Variants in HIPK2 observed in about 807,000 individuals in gnomAD.
The protein encoded by HIPK2 is homeodomain interacting protein kinase 2.
Under a neutral mutation model 113.7 loss-of-function variants are expected in HIPK2, and 27 were observed. That is an observed-to-expected ratio of 0.24 (90% confidence interval 0.17 to 0.33). The LOEUF (loss-of-function observed/expected upper bound fraction) is 0.33, where lower values mean the gene tolerates loss of function less well. HIPK2 is among the 10% of genes least tolerant of loss of function. The pLI, the probability that HIPK2 is intolerant of heterozygous loss-of-function variation, is 1.00. For synonymous variants in HIPK2, 631 were observed against 642.2 expected (o/e 0.98, Z 0.26); for missense variants, 1,257 against 1,588.0 (o/e 0.79, Z 3.54).
intron 2 of HIPK2, among the ~76,000 whole-genome samples, chr7:139,677,152 C>T (rs1221107809): frequency 2.6e-5 from 4 of 152,052 alleles, no homozygotes; most frequent in Admixed American, 6.5e-5. Context: ...TGAGCCACCA[C>T]GCCCGGCCAA....
chr7:139,681,509 G>A (rs756044289), intron 2 of HIPK2, among the ~76,000 whole-genome samples: 3 of 152,058 alleles, frequency 2.0e-5, no homozygotes, highest in Non-Finnish European at 4.4e-5. Context: ...TATAATCAGC[G>A]CCAGTGCTGC....
At chr7:139,640,706 G>A (rs568242430) in intron 2 of HIPK2, among the ~76,000 whole-genome samples, 44 of 152,010 alleles carry the variant, frequency 2.9e-4, no homozygotes, top group African/African-American at 9.6e-4. Context: ...CTGGAGTGCA[G>A]TGGCACAATC....
intron 1 of HIPK2, among the ~76,000 whole-genome samples, chr7:139,723,171 C>G (rs959312588): frequency 6.6e-6 from 1 of 150,460 alleles, no homozygotes; most frequent in African/African-American, 2.5e-5. Flanking sequence ...TTAACTCACA[C>G]AGTTACGGTT....
intron 1 of HIPK2, among the ~76,000 whole-genome samples, chr7:139,761,257 A>G (rs143466896): frequency 5.3e-4 from 80 of 152,356 alleles, no homozygotes; most frequent in African/African-American, 1.7e-3. Flanking sequence ...AAACCCAAGG[A>G]AGGTATGGTT....
rs2116359622 is a variant in HIPK2, at chr7:139,561,942, G to GA, written c.*10984dup. ...ATTTAGAAGCACACGACGTCATGATGAAAAACACAAGCATTTTAGTAGCAA... is the reference window on the plus strand; with the variant it reads ...ATTTAGAAGCACACGACGTCATGATGAAAAAACACAAGCATTTTAGTAGCAA... On this transcript the variant is annotated 3_prime_UTR_variant, in exon 15 of 15. Transcript: ENST00000406875. 6.6e-6 allele frequency: 1 copy of GA among 152,272 alleles called. No individual in the cohort carries two copies. Among genetic ancestry groups the GA allele is most frequent in the South Asian group, 2.1e-4 (1 of 4,820 alleles). 9.4% of individuals were successfully genotyped at this position (152,272 alleles called of 1,614,324 possible). A position where few individuals can be genotyped will look rare whatever the true frequency, so the allele number is the denominator to read the frequency against.
In HIPK2 at chr7:139,566,626, A is replaced by G. The variant is rs1798098343; in HGVS notation, c.*6301T>C. 6.6e-6 allele frequency: 1 copy of G among 152,230 alleles called. No homozygotes were observed. Among genetic ancestry groups the G allele is most frequent in the East Asian group, 1.9e-4 (1 of 5,202 alleles). The allele number at this position is 152,230 out of a possible 1,614,324, so 9.4% of individuals were successfully genotyped here. On this transcript the variant is annotated 3_prime_UTR_variant, in exon 15 of 15. Transcript: ENST00000406875. The surrounding 1 kb of genome is among the most constrained non-coding windows in gnomAD (Gnocchi z 4.1). ...TTCAACACCTGCCACTTCTCAGAGCATCCGGTCAGCTCCCTTATCTATAAA... is the reference window on the plus strand; with the variant it reads ...TTCAACACCTGCCACTTCTCAGAGCGTCCGGTCAGCTCCCTTATCTATAAA...
chr7:139,649,549 ATGTG>A (rs35481634), intron 2 of HIPK2, among the ~76,000 whole-genome samples: 3 of 151,158 alleles, frequency 2.0e-5, no homozygotes, highest in Admixed American at 6.6e-5. Flanking sequence ...GCCTGAGGGT[ATGTG>A]TGTGTGTGTG....
intron 9 of HIPK2, among the ~76,000 whole-genome samples, chr7:139,610,266 G>A (rs761494361): frequency 1.3e-5 from 2 of 152,194 alleles, no homozygotes; most frequent in East Asian, 1.9e-4. Flanking sequence ...AGGGTTAAGT[G>A]TGCAAACATA....
At position 139,671,981 on chromosome 7, in the gene HIPK2, T is replaced by G. The variant is rs1191048116; in HGVS notation, c.1104-40256A>C. Among the ~76,000 whole-genome samples, 3 of 152,370 alleles carry G rather than the reference T, an allele frequency of 2.0e-5. No homozygotes were observed. In the East Asian group the frequency reaches 5.8e-4, roughly 29 times the overall value. On this transcript the variant is annotated intron_variant, in intron 2 of 14. Coordinates refer to ENST00000406875, the MANE Select transcript of HIPK2 (RefSeq NM_022740.5). ...ATTCCTCCCATTTGTTTGCTACTTA[T>G]ACCTCTGGTTTAAAAAGATACATCT...
At chr7:139,701,532 G>A (rs1220555746) in intron 2 of HIPK2, among the ~76,000 whole-genome samples, 2 of 152,168 alleles carry the variant, frequency 1.3e-5, no homozygotes, top group African/African-American at 4.8e-5. Flanking sequence ...TAGCTGGCGG[G>A]ACGCTGAGAC....
At chr7:139,619,307 T>C (rs1209894473) in intron 7 of HIPK2, among the ~76,000 whole-genome samples, 1 of 152,220 alleles carries the variant, frequency 6.6e-6, no homozygotes, top group African/African-American at 2.4e-5. Context: ...AGTCTTTTCA[T>C]TCCAGATTGA....
At chr7:139,776,807 G>A (rs775295302) in intron 1 of HIPK2, among the ~76,000 whole-genome samples, 1 of 152,220 alleles carries the variant, frequency 6.6e-6, no homozygotes, top group Non-Finnish European at 1.5e-5. Context: ...GAAGCTGACA[G>A]AACGGACTGA....
At chr7:139,691,920 G>A (rs1297965738) in intron 2 of HIPK2, among the ~76,000 whole-genome samples, 1 of 152,092 alleles carries the variant, frequency 6.6e-6, no homozygotes, top group Non-Finnish European at 1.5e-5. Context: ...AGAGTTTTTG[G>A]GGAATAGAAA....
At chr7:139,649,899 G>A (rs563367236) in intron 2 of HIPK2, among the ~76,000 whole-genome samples, 1 of 152,280 alleles carries the variant, frequency 6.6e-6, no homozygotes, top group African/African-American at 2.4e-5. Context: ...GGGGTAAGCA[G>A]CAAGCGAAAG....
chr7:139,664,153 C>T (rs959581499), intron 2 of HIPK2, among the ~76,000 whole-genome samples: 1 of 152,082 alleles, frequency 6.6e-6, no homozygotes, highest in Non-Finnish European at 1.5e-5. Context: ...AACCAACCAA[C>T]CAACCAACCA....
At chr7:139,589,849 C>A (rs1488324242) in intron 12 of HIPK2, among the ~76,000 whole-genome samples, 1 of 152,204 alleles carries the variant, frequency 6.6e-6, no homozygotes, top group African/African-American at 2.4e-5. Context: ...GCTGGGGAGC[C>A]CCTGGCTTAA....
chr7:139,770,731 A>C (rs1444401898), intron 1 of HIPK2, among the ~76,000 whole-genome samples: 1 of 152,250 alleles, frequency 6.6e-6, no homozygotes, highest in Non-Finnish European at 1.5e-5. Flanking sequence ...CAGCATTAAC[A>C]CATGCAGAAG....
chr7:139,751,294 T>C (rs1796274077), intron 1 of HIPK2, among the ~76,000 whole-genome samples: 1 of 152,176 alleles, frequency 6.6e-6, no homozygotes, highest in African/African-American at 2.4e-5. Flanking sequence ...CATTCCCTCT[T>C]TCTCTTCTGG....
intron 1 of HIPK2, among the ~76,000 whole-genome samples, chr7:139,745,650 C>T (rs143884149): frequency 1.4e-3 from 212 of 152,292 alleles, no homozygotes; most frequent in African/African-American, 4.6e-3. Flanking sequence ...TTCTCTTTCC[C>T]CCAGGACTAT....
Sources: gnomAD v4.1 joint callset for allele counts (sites outside exome capture counted in the v4.1 genomes callset) on GRCh38, gnomAD v4.1.1 for gene constraint, Gnocchi (gnomAD v3.1) non-coding constraint, MANE v1.5 for transcripts, NCBI Gene and HGNC (gene_info 2026-07-23, HGNC 2026-07-21) for gene names.